ACTG2: variants seen among roughly 807,000 people sequenced by gnomAD.
ACTG2 encodes the protein actin, gamma-enteric smooth muscle.
A neutral mutation model predicts 37.6 loss-of-function variants in ACTG2; 16 were observed. The observed-to-expected ratio is 0.43, with a 90% confidence interval of 0.29 to 0.65. ACTG2 has a LOEUF of 0.65. Ranked by LOEUF, ACTG2 falls within the 30% of genes least tolerant of loss-of-function variation. The pLI, the probability that ACTG2 is intolerant of heterozygous loss-of-function variation, is 0.18. For missense variants in ACTG2, 238 were observed against 490.9 expected, an observed-to-expected ratio of 0.48 and a Z score of 4.87; for synonymous variants, 181 against 179.9, an observed-to-expected ratio of 1.01 and a Z score of -0.05.
At chr2:73,912,743 C>T (rs1680164484) in intron 5 of ACTG2, among the ~76,000 whole-genome samples, 1 of 152,162 alleles carries the variant, frequency 6.6e-6, no homozygotes, top group Non-Finnish European at 1.5e-5. Flanking sequence ...CAAATAATGA[C>T]AATTTTGGTA....
intron 5 of ACTG2, among the ~76,000 whole-genome samples, chr2:73,912,728 A>G (rs572823833): frequency 3.3e-5 from 5 of 152,266 alleles, no homozygotes; most frequent in African/African-American, 1.2e-4. Flanking sequence ...AAACCACATT[A>G]TCTGCAAATA....
At chr2:73,895,634 T>C (rs1483824475) in intron 1 of ACTG2, among the ~76,000 whole-genome samples, 1 of 152,220 alleles carries the variant, frequency 6.6e-6, no homozygotes, top group Non-Finnish European at 1.5e-5. Context: ...CCTAACACTT[T>C]CTGTCAAAAT....
chr2:73,894,436 T>A (rs1015777946), intron 1 of ACTG2, among the ~76,000 whole-genome samples: 3 of 152,174 alleles, frequency 2.0e-5, no homozygotes, highest in Admixed American at 6.5e-5. Context: ...GAAAAGGGGA[T>A]GGGCCGTGTG....
At chr2:73,913,409 T>C (rs1680185575) in intron 5 of ACTG2, 76 bp from the exon 6 acceptor site, 5 of 1,342,242 alleles carry the variant, frequency 3.7e-6, no homozygotes, top group East Asian at 5.1e-5. Flanking sequence ...TCAGAGCTCA[T>C]TGGTAACAGT....
chr2:73,899,196 G>T (rs1679823767), intron 1 of ACTG2, among the ~76,000 whole-genome samples: 1 of 152,102 alleles, frequency 6.6e-6, no homozygotes, highest in Non-Finnish European at 1.5e-5. Context: ...TGTGTGTGGT[G>T]GGTCACTTGT....
At position 73,901,532 on chromosome 2, in the gene ACTG2, ATGTGTGTGTGTGTGTGTG is replaced by A. The variant is rs58042852; in HGVS notation, c.126+127_126+144del. ...CTGAGCTGGGGGTTAGGGGAAGGAAATGTGTGTGTGTGTGTGTGTGTGTGTGTGTGTGTGTGTGTGTGT... is the reference window on the plus strand; with the variant it reads ...CTGAGCTGGGGGTTAGGGGAAGGAAATGTGTGTGTGTGTGTGTGTGTGTGT... On this transcript the variant is annotated intron_variant, in intron 2 of 8. Coordinates refer to ENST00000345517, the MANE Select transcript of ACTG2 (RefSeq NM_001615.4). The A allele has an allele frequency of 5.2e-6, 6 of 1,145,024 alleles. No individual in the cohort carries two copies. In the African/African-American group the frequency reaches 5.7e-5, roughly 11 times the overall value. The allele number at this position is 1,145,024 out of a possible 1,614,324, so 70.9% of individuals were successfully genotyped here.
chr2:73,911,650 G>A (rs575450283), intron 5 of ACTG2, among the ~76,000 whole-genome samples: 2 of 152,224 alleles, frequency 1.3e-5, no homozygotes, highest in South Asian at 2.1e-4. Flanking sequence ...CCACAAACAC[G>A]TGAATAAAGC....
chr2:73,915,059 A>G (rs922753308), intron 7 of ACTG2, among the ~76,000 whole-genome samples, 188 bp downstream of exon 7: 3 of 152,206 alleles, frequency 2.0e-5, no homozygotes, highest in African/African-American at 7.2e-5. Flanking sequence ...TTTAAATAAA[A>G]GGGAAAGGAA....
chr2:73,902,241 T>G lies in ACTG2; in HGVS notation c.127-119T>G. 4 of 1,210,372 alleles carry G rather than the reference T, an allele frequency of 3.3e-6. No homozygotes were observed. In the East Asian group the frequency reaches 9.5e-5, roughly 29 times the overall value. The allele number at this position is 1,210,372 out of a possible 1,614,324, so 75.0% of individuals were successfully genotyped here. On this transcript the variant is annotated intron_variant, in intron 2 of 8. Coordinates refer to ENST00000345517, the MANE Select transcript of ACTG2 (RefSeq NM_001615.4). Reference sequence around the variant, plus strand: ...ATCCTGTCTCCTGCTATCCTGTTTCTGGGGGAAGAAAGGCTGTTTTTCCCA... The same window carrying G: ...ATCCTGTCTCCTGCTATCCTGTTTCGGGGGGAAGAAAGGCTGTTTTTCCCA...
At chr2:73,907,530 G>A (rs1680040656) in intron 3 of ACTG2, among the ~76,000 whole-genome samples, 1 of 152,124 alleles carries the variant, frequency 6.6e-6, no homozygotes, top group East Asian at 1.9e-4. Context: ...TGCCCAGGCT[G>A]GAGTGCAGTG....
chr2:73,914,587 A>G (rs1680220482), intron 6 of ACTG2, 93 bp from the exon 7 acceptor site: 1 of 805,062 alleles, frequency 1.2e-6, no homozygotes, highest in Non-Finnish European at 1.8e-6. Flanking sequence ...AGAATAAAGT[A>G]GATGTGAGAA....
intron 3 of ACTG2, chr2:73,902,857 G>A: frequency 7.7e-7 from 1 of 1,305,306 alleles, no homozygotes; most frequent in East Asian, 2.5e-5. Context: ...TGGCATTGGA[G>A]GACCTTTCCC....
chr2:73,906,343 CGG>C (rs965334501), intron 3 of ACTG2, among the ~76,000 whole-genome samples: 21 of 151,832 alleles, frequency 1.4e-4, no homozygotes, highest in African/African-American at 5.1e-4. Context: ...CCCAGCTACT[CGG>C]GAGGCTGACG....
chr2:73,913,450 G>A (rs2104820892), intron 5 of ACTG2, 35 bp from the exon 6 acceptor site: 1 of 1,535,052 alleles, frequency 6.5e-7, no homozygotes, highest in Non-Finnish European at 8.8e-7. Context: ...AGGCAAGAAT[G>A]AGAATTTTAT....
chr2:73,909,123 C>T lies in ACTG2; in HGVS notation c.435C>T (p.Ala145=). The T allele has an allele frequency of 6.2e-7, 1 of 1,613,800 alleles. No individual in the cohort carries two copies. Among genetic ancestry groups the T allele is most frequent in the Non-Finnish European group, 8.5e-7 (1 of 1,179,656 alleles). ...TTCAAGCTGTGCTCTCCCTCTATGC[C>T]TCTGGCCGCACGACAGGTGAGTAAT... ...VAIQAVLSLY[A]SGRTTGIVLD... The change falls in exon 5 of 9, where the codon GCC becomes GCT. Residue 145 remains alanine (A), a synonymous_variant. Transcript: ENST00000345517.
In ACTG2 at chr2:73,919,772, C is replaced by A; in HGVS notation, c.*197C>A. 2 of 467,470 alleles carry A rather than the reference C, an allele frequency of 4.3e-6. No individual in the cohort carries two copies. Among genetic ancestry groups the A allele is most frequent in the Non-Finnish European group, 7.1e-6 (2 of 280,072 alleles). 29.0% of individuals were successfully genotyped at this position (467,470 alleles called of 1,614,324 possible). On this transcript the variant is annotated 3_prime_UTR_variant, in exon 9 of 9. Coordinates refer to ENST00000345517, the MANE Select transcript of ACTG2 (RefSeq NM_001615.4). ...GTAAGGTAGGTGCTATCATTATACC[C>A]ATATTACAGATGAGGAAATTGAGGC...
At chr2:73,895,269 G>C (rs1208892748) in intron 1 of ACTG2, among the ~76,000 whole-genome samples, 1 of 152,172 alleles carries the variant, frequency 6.6e-6, no homozygotes. Flanking sequence ...CAGGAGCAGA[G>C]CCAGGGGAGT....
At chr2:73,917,243 A>T (rs776330182) in intron 8 of ACTG2, among the ~76,000 whole-genome samples, 1 of 152,190 alleles carries the variant, frequency 6.6e-6, no homozygotes, top group Non-Finnish European at 1.5e-5. Context: ...AAATCAGGAG[A>T]TGGGAAATAG....
intron 8 of ACTG2, among the ~76,000 whole-genome samples, chr2:73,918,222 T>TG (rs1416182785): frequency 6.6e-6 from 1 of 152,088 alleles, no homozygotes; most frequent in Non-Finnish European, 1.5e-5. Context: ...ATAGGGGAAC[T>TG]GGGGGAGATG....
Sources: gnomAD v4.1 joint callset for allele counts (sites outside exome capture counted in the v4.1 genomes callset) on GRCh38, gnomAD v4.1.1 for gene constraint, MANE v1.5 for transcripts, NCBI Gene and HGNC (gene_info 2026-07-23, HGNC 2026-07-21) for gene names.